The following CSMD1 variants were observed in gnomAD, a reference collection of about 807,000 sequenced individuals.
The protein encoded by CSMD1 is CUB and Sushi multiple domains 1.
In CSMD1, 213 loss-of-function variants were observed where a neutral mutation model predicts 417.5. The observed-to-expected ratio is 0.51, with a 90% confidence interval of 0.46 to 0.57. The LOEUF is 0.57. Among genes scored for constraint, CSMD1 ranks in the 20% least tolerant of loss-of-function variants. The pLI is 0.00. For missense variants in CSMD1, 6,923 were observed against 4,529.7 expected, an observed-to-expected ratio of 1.53 and a Z score of -15.17; for synonymous variants, 2,862 against 1,736.8, an observed-to-expected ratio of 1.65 and a Z score of -16.11.
intron 5 of CSMD1, among the ~76,000 whole-genome samples, chr8:3,982,141 C>A (rs989936835): frequency 6.8e-6 from 1 of 147,978 alleles, no homozygotes. Context: ...CTGGGTGACA[C>A]AGCGAGGCTC....
chr8:4,804,528 TGAGAGA>T, intron 1 of CSMD1, among the ~76,000 whole-genome samples: 1 of 141,058 alleles, frequency 7.1e-6, no homozygotes, highest in South Asian at 2.3e-4. Flanking sequence ...AGAATGGACG[TGAGAGA>T]GAGAGAGAGG....
chr8:4,115,941 C>T (rs1184320726), intron 3 of CSMD1, among the ~76,000 whole-genome samples: 2 of 151,632 alleles, frequency 1.3e-5, no homozygotes, highest in South Asian at 4.2e-4. Flanking sequence ...GAAGTAAACA[C>T]CAAGAAAACA....
At chr8:3,543,442 G>C (rs181510785) in intron 10 of CSMD1, among the ~76,000 whole-genome samples, 1 of 152,166 alleles carries the variant, frequency 6.6e-6, no homozygotes, top group African/African-American at 2.4e-5. Context: ...GCAGAAATGA[G>C]TTAGGAGAGA....
chr8:3,266,638 G>T (rs934773029), intron 26 of CSMD1, among the ~76,000 whole-genome samples: 22 of 147,242 alleles, frequency 1.5e-4, no homozygotes, highest in African/African-American at 5.3e-4. Flanking sequence ...AGCCAGGCAT[G>T]GTGGCAAGCA....
chr8:4,283,148 G>C (rs1215314831), intron 3 of CSMD1, among the ~76,000 whole-genome samples: 2 of 152,110 alleles, frequency 1.3e-5, no homozygotes, highest in East Asian at 1.9e-4. Context: ...TCAATTGTTG[G>C]TTTTGTGAAG....
intron 5 of CSMD1, among the ~76,000 whole-genome samples, chr8:3,877,900 A>T (rs1805936883): frequency 6.6e-6 from 1 of 152,212 alleles, no homozygotes; most frequent in Non-Finnish European, 1.5e-5. Flanking sequence ...TTGTATCTTC[A>T]AGTAAATCAT....
At chr8:3,511,321 T>C (rs1253319637) in intron 10 of CSMD1, among the ~76,000 whole-genome samples, 2 of 151,596 alleles carry the variant, frequency 1.3e-5, no homozygotes, top group African/African-American at 4.9e-5. Context: ...ATGGCATGTG[T>C]ATACCTATGT....
chr8:4,072,917 A>G (rs189152837), intron 3 of CSMD1, among the ~76,000 whole-genome samples: 28 of 152,318 alleles, frequency 1.8e-4, no homozygotes, highest in Admixed American at 6.5e-4. Context: ...ACAACCTTGG[A>G]TATTACCACT....
At chr8:3,931,070 T>A (rs2129648638) in intron 5 of CSMD1, among the ~76,000 whole-genome samples, 1 of 150,696 alleles carries the variant, frequency 6.6e-6, no homozygotes, top group East Asian at 1.9e-4. Flanking sequence ...GATAAAGTTT[T>A]AAAAATGTGA....
intron 1 of CSMD1, among the ~76,000 whole-genome samples, chr8:4,766,406 G>A (rs938435637): frequency 8.5e-5 from 13 of 152,200 alleles, no homozygotes; most frequent in Admixed American, 4.6e-4. Flanking sequence ...GTCCAAAGCC[G>A]TGAGACAGAG....
At chr8:3,924,541 A>G (rs1304279135) in intron 5 of CSMD1, among the ~76,000 whole-genome samples, 3 of 152,156 alleles carry the variant, frequency 2.0e-5, no homozygotes, top group African/African-American at 7.2e-5. Context: ...GACTTGCTTC[A>G]TTTTTGAAAA....
chr8:3,747,502 T>C (rs1797118990), intron 6 of CSMD1, among the ~76,000 whole-genome samples: 1 of 152,174 alleles, frequency 6.6e-6, no homozygotes, highest in Non-Finnish European at 1.5e-5. Context: ...CGTTTGTTTT[T>C]TTTCCTTTCA....
At chr8:3,494,452 G>C (rs1490277678) in intron 10 of CSMD1, among the ~76,000 whole-genome samples, 1 of 151,992 alleles carries the variant, frequency 6.6e-6, no homozygotes, top group Non-Finnish European at 1.5e-5. Context: ...GTAGTAAGGA[G>C]AAAAAGGAAA....
chr8:3,674,508 C>T (rs911976174), intron 7 of CSMD1, among the ~76,000 whole-genome samples: 5 of 151,824 alleles, frequency 3.3e-5, no homozygotes, highest in African/African-American at 1.2e-4. Context: ...GACAGTATAC[C>T]GTGAATCATT....
intron 26 of CSMD1, among the ~76,000 whole-genome samples, chr8:3,253,459 A>G (rs899200989): frequency 6.6e-6 from 1 of 152,084 alleles, no homozygotes; most frequent in African/African-American, 2.4e-5. Context: ...CTATGTGGTC[A>G]ATTTTGGACT....
chr8:4,186,396 G>A (rs564484713), intron 3 of CSMD1, among the ~76,000 whole-genome samples: 2 of 152,054 alleles, frequency 1.3e-5, no homozygotes, highest in South Asian at 2.1e-4. Flanking sequence ...CTCACCCCAA[G>A]ACAGTCCAGT....
chr8:4,228,811 G>C (rs979384120), intron 3 of CSMD1, among the ~76,000 whole-genome samples: 1 of 152,004 alleles, frequency 6.6e-6, no homozygotes, highest in Non-Finnish European at 1.5e-5. Flanking sequence ...TGCATCCCAA[G>C]TAGCTGGGAC....
intron 23 of CSMD1, among the ~76,000 whole-genome samples, chr8:3,319,069 C>A (rs963403102): frequency 1.3e-5 from 2 of 152,182 alleles, no homozygotes; most frequent in Non-Finnish European, 2.9e-5. Flanking sequence ...TCAGAACATA[C>A]TGCAAAACAA....
chr8:3,337,360 A>C (rs1373731227), intron 23 of CSMD1, among the ~76,000 whole-genome samples: 1 of 152,218 alleles, frequency 6.6e-6, no homozygotes, highest in Admixed American at 6.5e-5. Flanking sequence ...CATCCCTTAG[A>C]AGCAAGCCAG....
Sources: gnomAD v4.1 joint callset for allele counts (sites outside exome capture counted in the v4.1 genomes callset) on GRCh38, gnomAD v4.1.1 for gene constraint, MANE v1.5 for transcripts, NCBI Gene and HGNC (gene_info 2026-07-23, HGNC 2026-07-21) for gene names.